The following FHIT variants were observed in gnomAD, a reference collection of about 807,000 sequenced individuals.
FHIT encodes fragile histidine triad diadenosine triphosphatase.
Under a neutral mutation model 17.9 loss-of-function variants are expected in FHIT, and 19 were observed. The observed-to-expected ratio is 1.06, with a 90% confidence interval of 0.74 to 1.56. The LOEUF (loss-of-function observed/expected upper bound fraction) is 1.56, where lower values mean the gene tolerates loss of function less well. Ranked by LOEUF, FHIT falls within the 40% of genes most tolerant of loss-of-function variation. The pLI, the probability that FHIT is intolerant of heterozygous loss-of-function variation, is 0.00. For synonymous variants in FHIT, 81 were observed against 69.7 expected (o/e 1.16, Z -0.81); for missense variants, 248 against 189.2 (o/e 1.31, Z -1.82).
intron 2 of FHIT, among the ~76,000 whole-genome samples, chr3:61,112,766 A>G (rs1042643445): frequency 6.6e-6 from 1 of 152,170 alleles, no homozygotes; most frequent in African/African-American, 2.4e-5. Context: ...CATTAGGACA[A>G]TCCTATCTTG....
At chr3:60,011,704 G>C (rs189431456) in intron 6 of FHIT, among the ~76,000 whole-genome samples, 4 of 152,294 alleles carry the variant, frequency 2.6e-5, no homozygotes, top group South Asian at 2.1e-4. Context: ...GAAAATGTTT[G>C]GGGAGGTGAA....
intron 7 of FHIT, among the ~76,000 whole-genome samples, chr3:59,928,793 G>A (rs919600380): frequency 4.6e-5 from 7 of 151,954 alleles, no homozygotes; most frequent in African/African-American, 1.2e-4. Context: ...TCAGGAGTTC[G>A]AGACCAGCCT....
chr3:60,159,107 A>C (rs1163901552), intron 5 of FHIT, among the ~76,000 whole-genome samples: 1 of 151,898 alleles, frequency 6.6e-6, no homozygotes, highest in Admixed American at 6.6e-5. Flanking sequence ...AATTCCACAG[A>C]TATACTGTAT....
At chr3:60,953,408 T>TTGGACCGAAATCC (rs1483366221) in intron 3 of FHIT, among the ~76,000 whole-genome samples, 3 of 152,040 alleles carry the variant, frequency 2.0e-5, no homozygotes, top group Non-Finnish European at 4.4e-5. Context: ...TGACAGCTAT[T>TTGGACCGAAATCC]TGGACCGAAA....
At chr3:61,158,125 C>T (rs1477389802) in intron 2 of FHIT, among the ~76,000 whole-genome samples, 1 of 152,020 alleles carries the variant, frequency 6.6e-6, no homozygotes, top group Non-Finnish European at 1.5e-5. Context: ...TTCATATTTA[C>T]GTTTCCTTCT....
At chr3:60,772,508 G>A (rs868988933) in intron 4 of FHIT, among the ~76,000 whole-genome samples, 3 of 151,960 alleles carry the variant, frequency 2.0e-5, no homozygotes, top group Admixed American at 1.3e-4. Context: ...TATGACAGTC[G>A]GGGAGATCTG....
At chr3:59,763,592 T>G (rs1267153550) in intron 8 of FHIT, among the ~76,000 whole-genome samples, 1 of 152,222 alleles carries the variant, frequency 6.6e-6, no homozygotes, top group East Asian at 1.9e-4. Context: ...GACAAGGTAG[T>G]GCCTTTGGGA....
intron 5 of FHIT, among the ~76,000 whole-genome samples, chr3:60,488,221 G>T (rs927182641): frequency 1.3e-5 from 2 of 152,182 alleles, no homozygotes; most frequent in Admixed American, 6.5e-5. Flanking sequence ...TGAGCTAAAA[G>T]ATTATATTTG....
chr3:60,747,223 T>G (rs1171361301), intron 4 of FHIT, among the ~76,000 whole-genome samples: 5 of 152,134 alleles, frequency 3.3e-5, no homozygotes. Context: ...ACTGCTCCTC[T>G]CTGCCTGGAA....
rs113531926 is a variant in FHIT at position 59,896,146 on chromosome 3, C to A, written c.348+26200G>T. Among the ~76,000 whole-genome samples the A allele has an allele frequency of 3.9e-5, 6 of 152,266 alleles. No individual in the cohort carries two copies. The South Asian group carries it at 1.2e-3, about 32-fold the overall frequency. ...TCATTTACGCTTGTACACTGGCATC[C>A]CTCCCAGACTGGAGTGTCAGCTTCA... On this transcript the variant is annotated intron_variant, in intron 8 of 9. Coordinates refer to ENST00000492590, the MANE Select transcript of FHIT (RefSeq NM_002012.4).
intron 4 of FHIT, among the ~76,000 whole-genome samples, chr3:60,693,228 A>G (rs1553699869): frequency 6.6e-6 from 1 of 152,198 alleles, no homozygotes; most frequent in Non-Finnish European, 1.5e-5. Context: ...GATCCACCTA[A>G]GTCACTCCCT....
intron 5 of FHIT, among the ~76,000 whole-genome samples, chr3:60,090,275 T>C (rs1703674602): frequency 6.6e-6 from 1 of 152,200 alleles, no homozygotes; most frequent in South Asian, 2.1e-4. Flanking sequence ...ATTCACAATT[T>C]GTTTCCTGCA....
chr3:60,770,324 G>A (rs1699999381), intron 4 of FHIT, among the ~76,000 whole-genome samples: 1 of 151,908 alleles, frequency 6.6e-6, no homozygotes, highest in Non-Finnish European at 1.5e-5. Context: ...AGGGATCAGA[G>A]CGAAATTTGT....
intron 5 of FHIT, among the ~76,000 whole-genome samples, chr3:60,347,652 C>A (rs945322249): frequency 2.6e-5 from 3 of 117,390 alleles, no homozygotes; most frequent in African/African-American, 3.3e-5. Flanking sequence ...ACATTCAATC[C>A]TGTCTTCAGA....
chr3:60,355,861 T>C (rs1381414020), intron 5 of FHIT, among the ~76,000 whole-genome samples: 1 of 152,206 alleles, frequency 6.6e-6, no homozygotes, highest in African/African-American at 2.4e-5. Context: ...GAGTAGGTAA[T>C]GACATAAATA....
chr3:60,826,011 C>T (rs1393923158), intron 3 of FHIT, among the ~76,000 whole-genome samples: 2 of 152,034 alleles, frequency 1.3e-5, no homozygotes, highest in African/African-American at 4.8e-5. Context: ...ACACTGGAAG[C>T]AAATCTGACC....
chr3:60,139,737 T>C (rs149951663), intron 5 of FHIT, among the ~76,000 whole-genome samples: 328 of 151,514 alleles, frequency 2.2e-3, no homozygotes, highest in African/African-American at 7.5e-3. Flanking sequence ...TTGTATGGAA[T>C]TACGTCCCGA....
chr3:60,516,055 CA>C, intron 5 of FHIT, among the ~76,000 whole-genome samples: 1 of 152,222 alleles, frequency 6.6e-6, no homozygotes, highest in East Asian at 1.9e-4. Context: ...GGAGCTGAGA[CA>C]AAGGAGTGGG....
intron 5 of FHIT, among the ~76,000 whole-genome samples, chr3:60,122,598 G>T (rs1705311667): frequency 6.6e-6 from 1 of 152,078 alleles, no homozygotes; most frequent in Non-Finnish European, 1.5e-5. Context: ...AGCCCCTCCT[G>T]AAAACATTCA....
Sources: allele counts gnomAD v4.1 joint callset (sites outside exome capture counted in the v4.1 genomes callset), GRCh38; gene constraint gnomAD v4.1.1; transcripts MANE v1.5; gene names NCBI Gene and HGNC (gene_info 2026-07-23, HGNC 2026-07-21).